The following SLC1A7 variants were observed in gnomAD, a reference collection of about 807,000 sequenced individuals.
SLC1A7 encodes the protein excitatory amino acid transporter 5.
Under a neutral mutation model 47.7 loss-of-function variants are expected in SLC1A7, and 40 were observed. The ratio of observed to expected loss-of-function variants is 0.84; its 90% CI spans 0.65 to 1.09. The LOEUF is 1.09. Among genes scored for constraint, SLC1A7 ranks in the 50% least tolerant of loss-of-function variants. The pLI, the probability that SLC1A7 is intolerant of heterozygous loss-of-function variation, is 0.00. For synonymous variants in SLC1A7, 323 were observed against 325.6 expected, an observed-to-expected ratio of 0.99 and a Z score of 0.09; for missense variants, 746 against 769.5, an observed-to-expected ratio of 0.97 and a Z score of 0.36.
chr1:53,100,710 T>A (rs141636304), intron 5 of SLC1A7, among the ~76,000 whole-genome samples: 387 of 150,456 alleles, frequency 2.6e-3, no homozygotes, highest in Non-Finnish European at 4.0e-3. Flanking sequence ...CTGTGTACAC[T>A]CATACATACC....
intron 1 of SLC1A7, among the ~76,000 whole-genome samples, chr1:53,140,887 C>T (rs1280311531): frequency 6.6e-6 from 1 of 152,210 alleles, no homozygotes; most frequent in African/African-American, 2.4e-5. Context: ...CGAGGCTTAA[C>T]AGGGTCACTA....
At chr1:53,138,767 G>A (rs139813593) in intron 1 of SLC1A7, among the ~76,000 whole-genome samples, 11 of 152,142 alleles carry the variant, frequency 7.2e-5, no homozygotes, top group Admixed American at 5.9e-4. Flanking sequence ...GGTATTCAGG[G>A]TCTCCAACAC....
rs1331686254 is a variant in SLC1A7 at position 53,132,743 on chromosome 1, G to GT, written c.215+1606_215+1607insA. ...TGCCTGTGGTCCCAGCTACTTGGGG[G>GT]GCTGAGGTAGGAGGATCACTTGAAC... On this transcript the variant is annotated intron_variant, in intron 2 of 10. Transcript: ENST00000371494. 2.6e-5 allele frequency among the ~76,000 whole-genome samples: 4 copies of GT among 151,982 alleles called. 1 individual carries two copies. The highest frequency in any genetic ancestry group is 2.1e-4 in the South Asian group (1 of 4,802).
chr1:53,100,726 G>GGTACACTCATACATCCCACCTCA (rs148828865), intron 5 of SLC1A7, among the ~76,000 whole-genome samples: 1 of 147,246 alleles, frequency 6.8e-6, no homozygotes, highest in African/African-American at 2.5e-5. Flanking sequence ...ATACCACCTC[G>GGTACACTCATACATCCCACCTCA]GTACACTCAC....
intron 2 of SLC1A7, among the ~76,000 whole-genome samples, chr1:53,131,107 T>C (rs975075310): frequency 6.6e-6 from 1 of 152,246 alleles, no homozygotes; most frequent in Non-Finnish European, 1.5e-5. Context: ...TATGAACACG[T>C]CCTGGCTTTT....
chr1:53,108,646 G>T, intron 3 of SLC1A7: 1 of 717,664 alleles, frequency 1.4e-6, no homozygotes, highest in African/African-American at 1.7e-5. Flanking sequence ...TGGAACATGG[G>T]GATAATAGCT....
chr1:53,102,861 T>C lies in SLC1A7; in HGVS notation c.697+485A>G, dbSNP rs148445049. ...AGGTAGAAAGTCACCCCTAGAGTTTTTGCATGAACGAGGTTGGTGAGGTCT... is the reference window on the plus strand; with the variant it reads ...AGGTAGAAAGTCACCCCTAGAGTTTCTGCATGAACGAGGTTGGTGAGGTCT... On this transcript the variant is annotated intron_variant, in intron 5 of 10. Coordinates refer to ENST00000371494, the MANE Select transcript of SLC1A7 (RefSeq NM_006671.6). 3.3e-3 allele frequency: 501 copies of C among 153,920 alleles called. 7 individuals carry two copies. Among genetic ancestry groups the C allele is most frequent in the Middle Eastern group, 0.013 (4 of 298 alleles). 9.5% of individuals were successfully genotyped at this position (153,920 alleles called of 1,614,324 possible). A position where few individuals can be genotyped will look rare whatever the true frequency, so the allele number is the denominator to read the frequency against.
At chr1:53,136,905 A>G (rs142287222) in intron 1 of SLC1A7, among the ~76,000 whole-genome samples, 1 of 151,782 alleles carries the variant, frequency 6.6e-6, no homozygotes, top group East Asian at 2.0e-4. Context: ...GGACTCAAAC[A>G]GTCCTCCCAG....
intron 5 of SLC1A7, among the ~76,000 whole-genome samples, chr1:53,099,215 G>A (rs868638395): frequency 0.18 from 2,403 of 13,254 alleles, 81 homozygotes; most frequent in African/African-American, 0.29. Context: ...CATACACACC[G>A]CCTCAGTACA....
intron 2 of SLC1A7, among the ~76,000 whole-genome samples, chr1:53,121,274 C>T (rs559669246): frequency 9.2e-5 from 14 of 152,252 alleles, no homozygotes; most frequent in African/African-American, 2.9e-4. Flanking sequence ...GTGAAAAGGA[C>T]GACTTGTGTG....
At position 53,142,596 on chromosome 1, in the gene SLC1A7, T is replaced by C; in HGVS notation, c.-147A>G. 1 of 845,674 alleles carries C rather than the reference T, an allele frequency of 1.2e-6. No individual in the cohort carries two copies. Among genetic ancestry groups the C allele is most frequent in the Non-Finnish European group, 1.8e-6 (1 of 567,374 alleles). 52.4% of individuals were successfully genotyped at this position (845,674 alleles called of 1,614,324 possible). On this transcript the variant is annotated 5_prime_UTR_variant, in exon 1 of 11. It removes an upstream start codon present in the reference 5' UTR. Coordinates refer to ENST00000371494, the MANE Select transcript of SLC1A7 (RefSeq NM_006671.6). ...ACACCAGTCGCCAGCCCCACGGCCATGCCCGTGTGGCCGCCTTAGAGGGAA... is the reference window on the plus strand; with the variant it reads ...ACACCAGTCGCCAGCCCCACGGCCACGCCCGTGTGGCCGCCTTAGAGGGAA...
chr1:53,108,051 G>C (rs1358684263), intron 3 of SLC1A7: 1 of 154,148 alleles, frequency 6.5e-6, no homozygotes, highest in African/African-American at 2.4e-5. Flanking sequence ...ACCCTCACAT[G>C]GTCCTGGCAG....
intron 2 of SLC1A7, among the ~76,000 whole-genome samples, chr1:53,133,281 C>T (rs1644958958): frequency 6.6e-6 from 1 of 152,172 alleles, no homozygotes; most frequent in Non-Finnish European, 1.5e-5. Flanking sequence ...GAGACAGTCA[C>T]TAGAGTGAGT....
At chr1:53,099,331 G>T (rs59332038) in intron 5 of SLC1A7, among the ~76,000 whole-genome samples, 1 of 43,178 alleles carries the variant, frequency 2.3e-5, no homozygotes, top group Non-Finnish European at 4.5e-5. Context: ...ACCTCGGTAC[G>T]CTCACACTGC....
At chr1:53,127,440 A>G (rs1644895104) in intron 2 of SLC1A7, among the ~76,000 whole-genome samples, 1 of 152,176 alleles carries the variant, frequency 6.6e-6, no homozygotes, top group Admixed American at 6.5e-5. Context: ...AGCAGAAGTG[A>G]CTTCTGAAAG....
At chr1:53,123,807 T>C (rs942599201) in intron 2 of SLC1A7, among the ~76,000 whole-genome samples, 1 of 152,164 alleles carries the variant, frequency 6.6e-6, no homozygotes, top group African/African-American at 2.4e-5. Flanking sequence ...GGGCCACGTT[T>C]CCCCTCTTGA....
chr1:53,115,084 G>A lies in SLC1A7; in HGVS notation c.216-111C>T, dbSNP rs1167113249. 5 of 776,198 alleles carry A rather than the reference G, an allele frequency of 6.4e-6. No homozygotes were observed. The Admixed American group carries it at 8.5e-5, about 13-fold the overall frequency. 48.1% of individuals were successfully genotyped at this position (776,198 alleles called of 1,614,324 possible). A position where few individuals can be genotyped will look rare whatever the true frequency, so the allele number is the denominator to read the frequency against. ...GTCCAGCTGCCTCACAGTGCTCCAG[G>A]GAACCCCATTCTTCCAACAATCCAG... is the stretch of plus-strand genomic sequence containing the variant. On this transcript the variant is annotated intron_variant, in intron 2 of 10. Coordinates refer to ENST00000371494, the MANE Select transcript of SLC1A7 (RefSeq NM_006671.6).
intron 5 of SLC1A7, among the ~76,000 whole-genome samples, chr1:53,100,617 C>T (rs1644563539): frequency 6.6e-6 from 1 of 151,884 alleles, no homozygotes; most frequent in African/African-American, 2.4e-5. Flanking sequence ...CCTCGGTACA[C>T]TCACACAACC....
chr1:53,089,334 G>T (rs1347331389), intron 9 of SLC1A7, among the ~76,000 whole-genome samples: 1 of 152,104 alleles, frequency 6.6e-6, no homozygotes, highest in African/African-American at 2.4e-5. Flanking sequence ...GCGCCATCTC[G>T]GCTTACTGAA....
Sources: allele counts gnomAD v4.1 joint callset (sites outside exome capture counted in the v4.1 genomes callset), GRCh38; gene constraint gnomAD v4.1.1; transcripts MANE v1.5; gene names NCBI Gene and HGNC (gene_info 2026-07-23, HGNC 2026-07-21).